The following PCDH15 variants were observed in gnomAD, a reference collection of about 807,000 sequenced individuals.
The protein encoded by PCDH15 is protocadherin related 15.
A neutral mutation model predicts 178.5 loss-of-function variants in PCDH15; 129 were observed. That is an observed-to-expected ratio of 0.72 (90% CI 0.63 to 0.84). The LOEUF (loss-of-function observed/expected upper bound fraction) is 0.84, where lower values mean the gene tolerates loss of function less well. Among genes scored for constraint, PCDH15 ranks in the 40% least tolerant of loss-of-function variants. The pLI, the probability that PCDH15 is intolerant of heterozygous loss-of-function variation, is 0.00. For synonymous variants in PCDH15, 800 were observed against 732.0 expected, an observed-to-expected ratio of 1.09 and a Z score of -1.50; for missense variants, 2,230 against 2,099.9, an observed-to-expected ratio of 1.06 and a Z score of -1.21.
intron 3 of PCDH15, among the ~76,000 whole-genome samples, chr10:54,481,793 C>G (rs1482497453): frequency 6.6e-6 from 1 of 151,680 alleles, no homozygotes; most frequent in African/African-American, 2.4e-5. Context: ...TCCTATTTCT[C>G]TTTTATTTTT....
chr10:54,993,246 G>C (rs1839549642), intron 2 of PCDH15, among the ~76,000 whole-genome samples: 1 of 152,166 alleles, frequency 6.6e-6, no homozygotes. Flanking sequence ...CTCAAAGTCA[G>C]AAGAATAAAT....
chr10:54,201,703 ACAT>A (rs2050247131), intron 10 of PCDH15, among the ~76,000 whole-genome samples: 1 of 152,294 alleles, frequency 6.6e-6, no homozygotes, highest in African/African-American at 2.4e-5. Flanking sequence ...AGTGATTGTG[ACAT>A]CATTCTAATT....
At chr10:55,188,287 A>G (rs143745367) in intron 1 of PCDH15, among the ~76,000 whole-genome samples, 2 of 150,900 alleles carry the variant, frequency 1.3e-5, no homozygotes, top group East Asian at 3.9e-4. Flanking sequence ...CACGCTTTCT[A>G]TTTTTTTTTA....
At chr10:54,310,200 G>A (rs1478226219) in intron 8 of PCDH15, among the ~76,000 whole-genome samples, 1 of 152,056 alleles carries the variant, frequency 6.6e-6, no homozygotes. Flanking sequence ...TAAGATAAAA[G>A]CCGTGGAATT....
chr10:54,387,757 T>G (rs554497108), intron 3 of PCDH15, among the ~76,000 whole-genome samples: 1 of 152,268 alleles, frequency 6.6e-6, no homozygotes, highest in South Asian at 2.1e-4. Context: ...TTTTAGTCAG[T>G]GAGGGAGATA....
intron 2 of PCDH15, among the ~76,000 whole-genome samples, chr10:55,426,018 T>G (rs1565126438): frequency 6.6e-6 from 1 of 152,134 alleles, no homozygotes; most frequent in Non-Finnish European, 1.5e-5. Context: ...TTGGAAAAAT[T>G]CTAATAAACC....
At chr10:55,563,855 C>A (rs1382081886) in intron 2 of PCDH15, among the ~76,000 whole-genome samples, 4 of 151,794 alleles carry the variant, frequency 2.6e-5, no homozygotes, top group African/African-American at 9.7e-5. Flanking sequence ...ACCTATCCCC[C>A]AGAGAATATA....
At chr10:54,952,150 T>G (rs1838361461) in intron 2 of PCDH15, among the ~76,000 whole-genome samples, 1 of 151,880 alleles carries the variant, frequency 6.6e-6, no homozygotes, top group South Asian at 2.1e-4. Flanking sequence ...AGTTTTAAGT[T>G]TTACATTGGG....
intron 3 of PCDH15, among the ~76,000 whole-genome samples, chr10:54,891,478 CTCT>C (rs761999244): frequency 6.6e-6 from 1 of 152,026 alleles, no homozygotes; most frequent in Non-Finnish European, 1.5e-5. Context: ...AAAGTGTGGT[CTCT>C]TCTTCTAGCC....
intron 18 of PCDH15, among the ~76,000 whole-genome samples, chr10:54,023,582 G>T (rs1296045271): frequency 6.8e-6 from 1 of 148,056 alleles, no homozygotes; most frequent in African/African-American, 2.5e-5. Context: ...GTAGGTTTTT[G>T]CTCACTGTAT....
At chr10:54,174,872 A>G (rs2047292831) in intron 13 of PCDH15, among the ~76,000 whole-genome samples, 1 of 151,748 alleles carries the variant, frequency 6.6e-6, no homozygotes, top group South Asian at 2.1e-4. Flanking sequence ...AAAAATGCTG[A>G]TAGTGTAATC....
At chr10:54,827,702 A>C (rs979562477) in intron 3 of PCDH15, among the ~76,000 whole-genome samples, 1 of 152,086 alleles carries the variant, frequency 6.6e-6, no homozygotes, top group Non-Finnish European at 1.5e-5. Context: ...AAACTTTAAA[A>C]ATTATTGTAG....
At chr10:54,259,383 G>A (rs998296087) in intron 8 of PCDH15, among the ~76,000 whole-genome samples, 88 of 152,188 alleles carry the variant, frequency 5.8e-4, no homozygotes, top group African/African-American at 1.9e-3. Flanking sequence ...TGCTTGTGGT[G>A]GCAGTATAAA....
intron 21 of PCDH15, among the ~76,000 whole-genome samples, chr10:53,988,698 T>TTTA (rs1399289435): frequency 5.3e-5 from 8 of 152,156 alleles, no homozygotes; most frequent in African/African-American, 1.9e-4. Flanking sequence ...AAGAATATCA[T>TTTA]TTAAGCCATA....
intron 2 of PCDH15, among the ~76,000 whole-genome samples, chr10:54,572,268 C>T (rs563075299): frequency 1.3e-5 from 2 of 152,158 alleles, no homozygotes; most frequent in South Asian, 2.1e-4. Flanking sequence ...AATTCAAGAA[C>T]CTAACTGAAC....
chr10:55,209,338 A>G lies in PCDH15; in HGVS notation c.-155-42687T>C, dbSNP rs1840496921. Among the ~76,000 whole-genome samples the G allele has an allele frequency of 2.0e-5, 3 of 152,128 alleles. No individual in the cohort carries two copies. In the South Asian group the frequency reaches 6.2e-4, roughly 31 times the overall value. Reference sequence around the variant, plus strand: ...ATGAAAAGACATCAGATGATTCTGAAGAGAGAGATGACTTGAAAATATGTA... The same window carrying G: ...ATGAAAAGACATCAGATGATTCTGAGGAGAGAGATGACTTGAAAATATGTA... On this transcript the variant is annotated intron_variant, in intron 1 of 5. Coordinates refer to the PCDH15 transcript ENST00000458638.
chr10:55,522,784 T>C (rs1221492466), intron 2 of PCDH15, among the ~76,000 whole-genome samples: 2 of 151,808 alleles, frequency 1.3e-5, no homozygotes, highest in Non-Finnish European at 2.9e-5. Context: ...TTCTTTTGAT[T>C]GGAGAATTTA....
Position 53,832,071 on chromosome 10 carries a change from A to T in PCDH15, c.3984-538T>A. Among the ~76,000 whole-genome samples the T allele has an allele frequency of 1.1e-4, 16 of 151,332 alleles. 1 individual carries two copies. Among genetic ancestry groups the T allele is most frequent in the African/African-American group, 3.9e-4 (16 of 40,662 alleles). On this transcript the variant is annotated intron_variant, in intron 29 of 37. Coordinates refer to ENST00000644397, the MANE Select transcript of PCDH15 (RefSeq NM_001384140.1). ...TTGTTTGCCATAACACCATCTTAAA[A>T]GTAAACATTCTCAAGTTTCAAACCA...
chr10:54,156,946 C>T (rs1271394058), intron 13 of PCDH15, among the ~76,000 whole-genome samples: 1 of 152,194 alleles, frequency 6.6e-6, no homozygotes. Flanking sequence ...CTTTTGACTT[C>T]ATGTCTCACA....
Sources: allele counts gnomAD v4.1 joint callset (sites outside exome capture counted in the v4.1 genomes callset), GRCh38; gene constraint gnomAD v4.1.1; transcripts MANE v1.5; gene names NCBI Gene and HGNC (gene_info 2026-07-23, HGNC 2026-07-21).